Variants in DSCAM observed in about 807,000 individuals in gnomAD.
DSCAM encodes cell adhesion molecule DSCAM.
Under a neutral mutation model 217.7 loss-of-function variants are expected in DSCAM, and 47 were observed. The observed-to-expected ratio is 0.22, with a 90% CI of 0.17 to 0.28. The LOEUF (loss-of-function observed/expected upper bound fraction) is 0.28. Among genes scored for constraint, DSCAM ranks in the 10% least tolerant of loss-of-function variants. The pLI is 1.00. For synonymous variants in DSCAM, 1,056 were observed against 1,015.3 expected, an observed-to-expected ratio of 1.04 and a Z score of -0.76; for missense variants, 2,080 against 2,618.3, an observed-to-expected ratio of 0.79 and a Z score of 4.49.
chr21:40,137,439 G>A (rs1663265142), intron 18 of DSCAM, among the ~76,000 whole-genome samples: 1 of 152,102 alleles, frequency 6.6e-6, no homozygotes, highest in Non-Finnish European at 1.5e-5. Context: ...GATACTAGGT[G>A]ACTAGCAGAT....
intron 11 of DSCAM, among the ~76,000 whole-genome samples, chr21:40,260,538 G>A (rs1266790543): frequency 6.6e-6 from 1 of 152,194 alleles, no homozygotes; most frequent in Admixed American, 6.5e-5. Flanking sequence ...GAGTGAGGAT[G>A]GTCCCTGCAG....
chr21:40,508,734 AATATATATATATAT>A (rs760072956), intron 3 of DSCAM, among the ~76,000 whole-genome samples: 49 of 45,834 alleles, frequency 1.1e-3, no homozygotes, highest in Non-Finnish European at 1.4e-3. Flanking sequence ...ACACCCGGCA[AATATATATATATAT>A]ATATATATAT....
intron 11 of DSCAM, among the ~76,000 whole-genome samples, chr21:40,221,188 G>A (rs963190355): frequency 8.6e-5 from 13 of 152,020 alleles, no homozygotes; most frequent in Non-Finnish European, 2.9e-5. Flanking sequence ...GAGTTGAGTA[G>A]AGTGAAACCA....
intron 9 of DSCAM, among the ~76,000 whole-genome samples, chr21:40,306,012 A>G (rs1050153889): frequency 2.2e-4 from 33 of 152,014 alleles, no homozygotes; most frequent in African/African-American, 7.7e-4. Flanking sequence ...GATGGCATTG[A>G]ATCTATAAAT....
chr21:40,153,737 GTGTGTT>G (rs1446546312), intron 16 of DSCAM, among the ~76,000 whole-genome samples: 3 of 152,150 alleles, frequency 2.0e-5, no homozygotes, highest in Admixed American at 6.5e-5. Flanking sequence ...GCCTGGTGAG[GTGTGTT>G]TTAAAAAGCC....
chr21:40,292,803 C>A (rs1425499810), intron 10 of DSCAM, among the ~76,000 whole-genome samples: 1 of 151,744 alleles, frequency 6.6e-6, no homozygotes, highest in Non-Finnish European at 1.5e-5. Context: ...AGTGCAGTGG[C>A]GTGATCTCAG....
intron 1 of DSCAM, among the ~76,000 whole-genome samples, chr21:40,790,332 C>A (rs1338198290): frequency 3.3e-5 from 5 of 152,058 alleles, no homozygotes; most frequent in Non-Finnish European, 7.3e-5. Context: ...CAGGTGTGCT[C>A]CGTCACACCC....
intron 1 of DSCAM, among the ~76,000 whole-genome samples, chr21:40,724,723 C>A (rs958526094): frequency 6.6e-6 from 1 of 152,272 alleles, no homozygotes; most frequent in East Asian, 1.9e-4. Context: ...GGTAATTAAA[C>A]CTTTCACTCC....
At chr21:40,787,164 C>A (rs9305704) in intron 1 of DSCAM, among the ~76,000 whole-genome samples, 2 of 152,048 alleles carry the variant, frequency 1.3e-5, no homozygotes, top group African/African-American at 4.8e-5. Flanking sequence ...TGGCAGGTCC[C>A]TACTCAGGGG....
At chr21:40,566,245 G>A (rs1046725750) in intron 3 of DSCAM, among the ~76,000 whole-genome samples, 2 of 152,064 alleles carry the variant, frequency 1.3e-5, no homozygotes, top group Non-Finnish European at 2.9e-5. Context: ...TAGTGATGCT[G>A]GGGAGTCTCT....
intron 3 of DSCAM, among the ~76,000 whole-genome samples, chr21:40,501,790 C>G (rs2146037174): frequency 6.6e-6 from 1 of 152,272 alleles, no homozygotes; most frequent in Non-Finnish European, 1.5e-5. Context: ...CAGGGTTTCA[C>G]CATGTTGGTC....
intron 11 of DSCAM, among the ~76,000 whole-genome samples, chr21:40,243,734 T>A (rs1307600408): frequency 6.6e-6 from 1 of 152,184 alleles, no homozygotes; most frequent in Non-Finnish European, 1.5e-5. Flanking sequence ...CAGGTGTGAT[T>A]GCTGAATTCG....
chr21:40,318,661 G>A (rs931126766), intron 8 of DSCAM, among the ~76,000 whole-genome samples: 1 of 152,194 alleles, frequency 6.6e-6, no homozygotes, highest in African/African-American at 2.4e-5. Flanking sequence ...TAGGCTGCTG[G>A]TCCCGTGACC....
At chr21:40,485,029 T>C (rs924015039) in intron 3 of DSCAM, among the ~76,000 whole-genome samples, 1 of 152,126 alleles carries the variant, frequency 6.6e-6, no homozygotes, top group South Asian at 2.1e-4. Context: ...TAGAGACGCT[T>C]CCAGAGTCTC....
chr21:40,475,980 C>T (rs2075931926), intron 3 of DSCAM, among the ~76,000 whole-genome samples: 1 of 152,150 alleles, frequency 6.6e-6, no homozygotes, highest in South Asian at 2.1e-4. Flanking sequence ...TTATCCAATC[C>T]TATTAGGCTT....
intron 20 of DSCAM, among the ~76,000 whole-genome samples, chr21:40,116,610 A>G (rs2089973023): frequency 6.6e-6 from 1 of 151,968 alleles, no homozygotes; most frequent in Non-Finnish European, 1.5e-5. Context: ...CATGTATATG[A>G]TTCATTACAT....
intron 6 of DSCAM, among the ~76,000 whole-genome samples, chr21:40,339,885 T>C (rs976271912): frequency 6.6e-6 from 1 of 152,238 alleles, no homozygotes; most frequent in Non-Finnish European, 1.5e-5. Flanking sequence ...CTCAAGTTAT[T>C]TGGGGTTTTC....
intron 16 of DSCAM, among the ~76,000 whole-genome samples, chr21:40,165,619 G>A (rs1410557556): frequency 6.6e-6 from 1 of 152,228 alleles, no homozygotes; most frequent in East Asian, 1.9e-4. Flanking sequence ...AGGATACAAT[G>A]CCTTTTAAAG....
rs555018761 is a variant in DSCAM, at chr21:40,758,386, A to G, written c.44-49615T>C. Among the ~76,000 whole-genome samples, 185 of 152,156 alleles carry G rather than the reference A, an allele frequency of 1.2e-3. 1 individual carries two copies. The highest frequency in any genetic ancestry group is 1.5e-3 in the Non-Finnish European group (99 of 67,990). ...CAGAATAAAGACCTAAAACTGTGGC[A>G]GGCGCCTGTAGTCCCAGCTACTTGG... is the stretch of plus-strand genomic sequence containing the variant. On this transcript the variant is annotated intron_variant, in intron 1 of 32. Transcript: ENST00000400454.
Sources: gnomAD v4.1 joint callset for allele counts (sites outside exome capture counted in the v4.1 genomes callset) on GRCh38, gnomAD v4.1.1 for gene constraint, MANE v1.5 for transcripts, NCBI Gene and HGNC (gene_info 2026-07-23, HGNC 2026-07-21) for gene names.